Variants in SLC36A1 observed in about 807,000 individuals in gnomAD.
SLC36A1 encodes proton-coupled amino acid transporter 1.
A neutral mutation model predicts 47.5 loss-of-function variants in SLC36A1; 30 were observed. That is an observed-to-expected ratio of 0.63 (90% confidence interval 0.47 to 0.86). SLC36A1 has a LOEUF of 0.86. Ranked by LOEUF, SLC36A1 falls within the 40% of genes least tolerant of loss-of-function variation. The pLI is 0.00. For missense variants in SLC36A1, 517 were observed against 606.0 expected (o/e 0.85, Z 1.54); for synonymous variants, 255 against 249.7 (o/e 1.02, Z -0.20).
At chr5:151,545,197 A>G in the SLC36A1 span, 5 of 1,614,196 alleles carry the variant, frequency 3.1e-6, no homozygotes, top group Non-Finnish European at 4.2e-6. Flanking sequence ...GTTCTCCTTC[A>G]CAGCTGCCCA....
At chr5:151,531,081 G>C in the SLC36A1 span, among the ~76,000 whole-genome samples, 90 of 152,172 alleles carry the variant, frequency 5.9e-4, no homozygotes, top group Non-Finnish European at 1.2e-3. This position sits in a 1 kb window ranked among gnomAD's most constrained non-coding sequence, Gnocchi z 5.7. Context: ...TCTGTGGCTA[G>C]TAGGAAAGAA....
At chr5:151,430,623 C>T in the SLC36A1 span, among the ~76,000 whole-genome samples, 3 of 152,130 alleles carry the variant, frequency 2.0e-5, no homozygotes, top group South Asian at 2.1e-4. Flanking sequence ...CGTGCCTGTC[C>T]GTAGAATTAG....
At chr5:151,434,105 T>A (rs562951631), upstream of SLC36A1, among the ~76,000 whole-genome samples, 5 of 152,304 alleles carry the variant, frequency 3.3e-5, no homozygotes, top group African/African-American at 1.2e-4. Context: ...TACAAAGTCT[T>A]TCAGGAGGGA....
At chr5:151,511,912 G>A in the SLC36A1 span, 3 of 532,238 alleles carry the variant, frequency 5.6e-6, no homozygotes, top group Non-Finnish European at 1.0e-5. Flanking sequence ...TCAACCCTCT[G>A]CCCCTGAGGT....
chr5:151,524,391 G>C, the SLC36A1 span, among the ~76,000 whole-genome samples: 1 of 152,062 alleles, frequency 6.6e-6, no homozygotes, highest in Non-Finnish European at 1.5e-5. Flanking sequence ...ACAGTATTTG[G>C]AGGTGGAGCC....
chr5:151,486,802 T>A (rs1759626267), intron 10 of SLC36A1, among the ~76,000 whole-genome samples: 1 of 152,218 alleles, frequency 6.6e-6, no homozygotes, highest in Non-Finnish European at 1.5e-5. Flanking sequence ...TCTGTCAAAC[T>A]ATATTTGATT....
At chr5:151,542,992 A>G in the SLC36A1 span, 10 of 1,614,206 alleles carry the variant, frequency 6.2e-6, no homozygotes, top group Admixed American at 5.0e-5. Flanking sequence ...TGCTTTAACA[A>G]TCCCAATTTC....
the SLC36A1 span, among the ~76,000 whole-genome samples, chr5:151,540,165 G>A: frequency 1.3e-5 from 2 of 152,226 alleles, no homozygotes; most frequent in Non-Finnish European, 2.9e-5. Flanking sequence ...ACCTTTGTTG[G>A]GAATGTAGGG....
the SLC36A1 span, among the ~76,000 whole-genome samples, chr5:151,408,147 G>A: frequency 6.6e-6 from 1 of 152,136 alleles, no homozygotes; most frequent in Non-Finnish European, 1.5e-5. Context: ...GTCATTTATT[G>A]TATTTTTCTC....
chr5:151,507,083 A>G, the SLC36A1 span: 1 of 1,367,606 alleles, frequency 7.3e-7, no homozygotes, highest in South Asian at 1.4e-5. Context: ...TGTGCCTCAG[A>G]TAACGGAGTG....
chr5:151,546,216 G>A, the SLC36A1 span: 9 of 1,614,030 alleles, frequency 5.6e-6, no homozygotes, highest in South Asian at 6.6e-5. Context: ...GCCATTGTGG[G>A]GAGCCTTGAT....
chr5:151,346,039 A>T, the SLC36A1 span, among the ~76,000 whole-genome samples: 1 of 152,280 alleles, frequency 6.6e-6, no homozygotes, highest in East Asian at 1.9e-4. Context: ...TGCCACGCTT[A>T]CTCAGCCCGT....
chr5:151,544,817 C>A, the SLC36A1 span: 1 of 1,614,148 alleles, frequency 6.2e-7, no homozygotes, highest in Non-Finnish European at 8.5e-7. Flanking sequence ...TATGTAACAG[C>A]CCCATTTGTC....
At chr5:151,473,892 G>A (rs984101587) in intron 8 of SLC36A1, 121 bp downstream of exon 8, 2 of 796,374 alleles carry the variant, frequency 2.5e-6, no homozygotes, top group East Asian at 2.6e-5. Context: ...AGGCATGGTG[G>A]CTCACGCCTG....
chr5:151,548,501 G>A, the SLC36A1 span, among the ~76,000 whole-genome samples: 2 of 151,812 alleles, frequency 1.3e-5, no homozygotes, highest in Non-Finnish European at 1.5e-5. Flanking sequence ...TCTTTTTTGA[G>A]ATGGAGTCTT....
At chr5:151,509,102 C>T in the SLC36A1 span, among the ~76,000 whole-genome samples, 1 of 152,290 alleles carries the variant, frequency 6.6e-6, no homozygotes, top group East Asian at 1.9e-4. Flanking sequence ...AGACAGCTGG[C>T]AGTGGGGTTC....
In SLC36A1 at chr5:151,458,869, C is replaced by T. The variant is rs775913829; in HGVS notation, c.77C>T (p.Ser26Leu). 21 of 1,613,974 alleles carry T rather than the reference C, an allele frequency of 1.3e-5. No individual in the cohort carries two copies. In the Admixed American group the frequency reaches 2.5e-4, roughly 19 times the overall value. Reference protein sequence around the residue: ...STDVSPEESPSEGLNNLSSPG... With the variant: ...STDVSPEESPLEGLNNLSSPG... ...GACGTGAGCCCTGAGGAGAGCCCGT[C>T]GGAAGGCCTCAACAACCTCTCCTCC... Residue 26 changes from serine (S) to leucine (L), a missense_variant, in exon 2 of 11, where the codon TCG (serine) becomes TTG (leucine). Physicochemically the swap from Ser to Leu is moderately radical, Grantham distance 145. Coordinates refer to ENST00000243389, the MANE Select transcript of SLC36A1 (RefSeq NM_078483.4).
At chr5:151,463,744 AGCATTTT>A in intron 3 of SLC36A1, 101 bp downstream of exon 3, 1 of 896,738 alleles carries the variant, frequency 1.1e-6, no homozygotes, top group Admixed American at 2.3e-5. Flanking sequence ...TAAATAGAGA[AGCATTTT>A]AAAAAAATCA....
the SLC36A1 span, among the ~76,000 whole-genome samples, chr5:151,411,858 A>T: frequency 1.4e-5 from 2 of 144,620 alleles, 1 homozygote. Flanking sequence ...TGCTCTAAAA[A>T]TCTGATGATC....
Sources: allele counts gnomAD v4.1 joint callset (sites outside exome capture counted in the v4.1 genomes callset), GRCh38; gene constraint gnomAD v4.1.1; non-coding constraint Gnocchi (gnomAD v3.1); transcripts MANE v1.5; gene names NCBI Gene and HGNC (gene_info 2026-07-23, HGNC 2026-07-21).